FAR1: variants seen among roughly 807,000 people sequenced by gnomAD.
The protein encoded by FAR1 is fatty acyl-CoA reductase 1.
A neutral mutation model predicts 61.1 loss-of-function variants in FAR1; 22 were observed. That is an observed-to-expected ratio of 0.36 (90% confidence interval 0.26 to 0.51). FAR1 has a LOEUF of 0.51. Ranked by LOEUF, FAR1 falls within the 20% of genes least tolerant of loss-of-function variation. The pLI is 0.95. For missense variants in FAR1, 359 were observed against 626.9 expected (o/e 0.57, Z 4.56); for synonymous variants, 206 against 209.7 (o/e 0.98, Z 0.15).
chr11:13,686,215 C>G (rs1357559749), intron 1 of FAR1, among the ~76,000 whole-genome samples: 2 of 152,146 alleles, frequency 1.3e-5, no homozygotes, highest in Non-Finnish European at 1.5e-5. Context: ...GAGAGAGAGA[C>G]AGTTTGTGCT....
chr11:13,722,187 G>T (rs1233595246), intron 10 of FAR1, among the ~76,000 whole-genome samples: 4 of 151,960 alleles, frequency 2.6e-5, no homozygotes, highest in Non-Finnish European at 2.9e-5. Flanking sequence ...TGAGTTTTGA[G>T]AAAAAGCTTC....
chr11:13,713,939 A>T (rs1848528819), intron 8 of FAR1, among the ~76,000 whole-genome samples: 1 of 152,126 alleles, frequency 6.6e-6, no homozygotes, highest in Admixed American at 6.6e-5. Flanking sequence ...GTAAAAGCTG[A>T]AATTGAGCGT....
intron 3 of FAR1, among the ~76,000 whole-genome samples, chr11:13,701,583 G>A (rs573810220): frequency 6.6e-6 from 1 of 151,954 alleles, no homozygotes. Flanking sequence ...ATTACAAAAG[G>A]TTTGATATTA....
chr11:13,726,417 A>C (rs540920103), intron 10 of FAR1, among the ~76,000 whole-genome samples: 52 of 151,902 alleles, frequency 3.4e-4, no homozygotes, highest in African/African-American at 1.2e-3. Flanking sequence ...AAATATCTTT[A>C]TTTCACCTTT....
At chr11:13,717,845 T>C (rs1848571805) in intron 9 of FAR1, among the ~76,000 whole-genome samples, 1 of 152,202 alleles carries the variant, frequency 6.6e-6, no homozygotes, top group South Asian at 2.1e-4. Flanking sequence ...ATTTGGTATA[T>C]AGGCTCTGGT....
chr11:13,728,931 T>A lies in FAR1; in HGVS notation c.*157T>A. Reference sequence around the variant, plus strand: ...GTATATTTTATGTAACATTTTAATGTTTATGCTCATAAAACTTAGTGAACA... The same window carrying A: ...GTATATTTTATGTAACATTTTAATGATTATGCTCATAAAACTTAGTGAACA... On this transcript the variant is annotated 3_prime_UTR_variant, in exon 12 of 12. Coordinates refer to ENST00000354817, the MANE Select transcript of FAR1 (RefSeq NM_032228.6). 2 of 652,644 alleles carry A rather than the reference T, an allele frequency of 3.1e-6. No homozygotes were observed. Among genetic ancestry groups the A allele is most frequent in the Non-Finnish European group, 2.5e-6 (1 of 400,002 alleles). The allele number at this position is 652,644 out of a possible 1,614,324, so 40.4% of individuals were successfully genotyped here. A position where few individuals can be genotyped will look rare whatever the true frequency, so the allele number is the denominator to read the frequency against.
chr11:13,708,738 A>C (rs1260085404), intron 4 of FAR1, among the ~76,000 whole-genome samples: 1 of 152,124 alleles, frequency 6.6e-6, no homozygotes, highest in African/African-American at 2.4e-5. Context: ...CTAATTTATC[A>C]AAGGATTCCC....
At position 13,728,684 on chromosome 11, in the gene FAR1, A is replaced by C; in HGVS notation, c.1458A>C (p.Ser486=). 2 of 1,612,620 alleles carry C rather than the reference A, an allele frequency of 1.2e-6. No individual in the cohort carries two copies. Among genetic ancestry groups the C allele is most frequent in the Non-Finnish European group, 1.7e-6 (2 of 1,178,852 alleles). ...ILIWRIFIAR[S]QMARNIWYFV... is the part of the protein sequence containing the mutation. ...TCTGGCGCATTTTTATTGCAAGATC[A>C]CAAATGGCAAGAAATATCTGGTACT... The change falls in exon 12 of 12, where the codon TCA becomes TCC. Residue 486 remains serine (S), a synonymous_variant. Coordinates refer to ENST00000354817, the MANE Select transcript of FAR1 (RefSeq NM_032228.6).
intron 7 of FAR1, 58 bp downstream of exon 7, chr11:13,712,104 A>C: frequency 8.6e-7 from 1 of 1,169,330 alleles, no homozygotes; most frequent in Non-Finnish European, 1.3e-6. Flanking sequence ...GGGAAGACAT[A>C]GCTTTTGAGT....
At chr11:13,674,755 G>A (rs1029183964) in intron 1 of FAR1, among the ~76,000 whole-genome samples, 9 of 152,106 alleles carry the variant, frequency 5.9e-5, no homozygotes, top group African/African-American at 1.7e-4. Flanking sequence ...ATAAAGTACC[G>A]TCAAAAAGAT....
In FAR1 at chr11:13,729,572, T is replaced by G. The variant is rs1233770466; in HGVS notation, c.*798T>G. 6.6e-6 allele frequency: 1 copy of G among 151,944 alleles called. No homozygotes were observed. The highest frequency in any genetic ancestry group is 1.5e-5 in the Non-Finnish European group (1 of 67,838). The allele number at this position is 151,944 out of a possible 1,614,324, so 9.4% of individuals were successfully genotyped here. A position where few individuals can be genotyped will look rare whatever the true frequency, so the allele number is the denominator to read the frequency against. ...TCCACATTATGATCAAATAAAAATCTTGTGAGATTGTTTATGTTTTGAAGC... is the reference window on the plus strand; with the variant it reads ...TCCACATTATGATCAAATAAAAATCGTGTGAGATTGTTTATGTTTTGAAGC... On this transcript the variant is annotated 3_prime_UTR_variant, in exon 12 of 12. Coordinates refer to ENST00000354817, the MANE Select transcript of FAR1 (RefSeq NM_032228.6).
chr11:13,702,006 A>AT (rs539308751), intron 3 of FAR1, among the ~76,000 whole-genome samples: 18 of 151,396 alleles, frequency 1.2e-4, no homozygotes, highest in Admixed American at 1.1e-3. Flanking sequence ...TCAAAAGATT[A>AT]TTTTTTTTTC....
chr11:13,703,568 G>A (rs1259726847), intron 3 of FAR1, among the ~76,000 whole-genome samples: 1 of 152,158 alleles, frequency 6.6e-6, no homozygotes, highest in Non-Finnish European at 1.5e-5. Context: ...GAGGCGATAG[G>A]ATATGCAAAA....
chr11:13,709,854 T>C (rs925878235), intron 4 of FAR1, among the ~76,000 whole-genome samples: 1 of 152,084 alleles, frequency 6.6e-6, no homozygotes, highest in African/African-American at 2.4e-5. Flanking sequence ...CTGAGTCTAC[T>C]TGCATACACA....
At position 13,730,498 on chromosome 11, in the gene FAR1, T is replaced by C. The variant is rs1193679426; in HGVS notation, c.*1724T>C. ...ATAAAGGTATAAGAGACCATGACAA[T>C]GTCTGAAAATGGAATAGATAATGAT... On this transcript the variant is annotated 3_prime_UTR_variant, in exon 12 of 12. Coordinates refer to ENST00000354817, the MANE Select transcript of FAR1 (RefSeq NM_032228.6). The C allele has an allele frequency of 2.6e-5, 4 of 152,188 alleles. No individual in the cohort carries two copies. The highest frequency in any genetic ancestry group is 5.9e-5 in the Non-Finnish European group (4 of 67,956). 9.4% of individuals were successfully genotyped at this position (152,188 alleles called of 1,614,324 possible).
At chr11:13,720,488 G>C (rs778972183) in intron 9 of FAR1, 7 of 151,952 alleles carry the variant, frequency 4.6e-5, no homozygotes, top group Non-Finnish European at 7.4e-5. Flanking sequence ...AATTCGTTTT[G>C]TGTTTGAGAT....
intron 2 of FAR1, among the ~76,000 whole-genome samples, chr11:13,696,091 A>G (rs1848303823): frequency 6.6e-6 from 1 of 152,140 alleles, no homozygotes; most frequent in African/African-American, 2.4e-5. Flanking sequence ...GGCTTGTTCT[A>G]AGTAAAATGT....
Position 13,718,365 on chromosome 11 carries a change from T to A in FAR1, c.1128-3365T>A, listed in dbSNP as rs116444153. Among the ~76,000 whole-genome samples, 226 of 152,366 alleles carry A rather than the reference T, an allele frequency of 1.5e-3. 1 individual carries two copies. The highest frequency in any genetic ancestry group is 5.1e-3 in the African/African-American group (214 of 41,594). ...CTTTTGCCCTCTTTCAGCAAATTTC[T>A]GCTAGATCATTGAGTTTATTAGTAC... On this transcript the variant is annotated intron_variant, in intron 9 of 11. Transcript: ENST00000354817.
chr11:13,729,186 C>G lies in FAR1; in HGVS notation c.*412C>G, dbSNP rs918895107. ...GAAGACATTTATTTGGACAGTAATACTAGCAAAGTTGGTAGATATTTGATT... is the reference window on the plus strand; with the variant it reads ...GAAGACATTTATTTGGACAGTAATAGTAGCAAAGTTGGTAGATATTTGATT... On this transcript the variant is annotated 3_prime_UTR_variant, in exon 12 of 12. Coordinates refer to ENST00000354817, the MANE Select transcript of FAR1 (RefSeq NM_032228.6). 1 of 152,808 alleles carries G rather than the reference C, an allele frequency of 6.5e-6. No individual in the cohort carries two copies. The highest frequency in any genetic ancestry group is 2.4e-5 in the African/African-American group (1 of 41,406). 9.5% of individuals were successfully genotyped at this position (152,808 alleles called of 1,614,324 possible). A position where few individuals can be genotyped will look rare whatever the true frequency, so the allele number is the denominator to read the frequency against.
Sources: allele counts gnomAD v4.1 joint callset (sites outside exome capture counted in the v4.1 genomes callset), GRCh38; gene constraint gnomAD v4.1.1; transcripts MANE v1.5; gene names NCBI Gene and HGNC (gene_info 2026-07-23, HGNC 2026-07-21).